Variants in PLSCR2 observed in about 807,000 individuals in gnomAD.
The protein encoded by PLSCR2 is phospholipid scramblase 2.
In PLSCR2, 18 loss-of-function variants were observed where a neutral mutation model predicts 25.3. That is an observed-to-expected ratio of 0.71 (90% confidence interval 0.49 to 1.06). The LOEUF (loss-of-function observed/expected upper bound fraction) is 1.06. Ranked by LOEUF, PLSCR2 falls within the 50% of genes least tolerant of loss-of-function variation. The pLI, the probability that PLSCR2 is intolerant of heterozygous loss-of-function variation, is 0.00. For missense variants in PLSCR2, 243 were observed against 269.5 expected (o/e 0.90, Z 0.69); for synonymous variants, 88 against 87.3 (o/e 1.01, Z -0.04).
downstream of PLSCR2, among the ~76,000 whole-genome samples, chr3:146,428,569 A>T (rs988779296): frequency 1.3e-5 from 2 of 152,184 alleles, no homozygotes; most frequent in African/African-American, 4.8e-5. Flanking sequence ...ATTGCTTATC[A>T]TTCTATAGCC....
At chr3:146,417,957 T>C (rs1199690347) in intron 2 of PLSCR2, among the ~76,000 whole-genome samples, 3 of 152,176 alleles carry the variant, frequency 2.0e-5, no homozygotes, top group Non-Finnish European at 4.4e-5. Flanking sequence ...GGGTTGCCTT[T>C]GTGCTGGAGG....
At chr3:146,412,785 A>G (rs1439570647) in intron 2 of PLSCR2, among the ~76,000 whole-genome samples, 3 of 152,146 alleles carry the variant, frequency 2.0e-5, no homozygotes, top group African/African-American at 7.2e-5. Flanking sequence ...TGGACCGCAC[A>G]GTCTAAGCTA....
At chr3:146,447,340 T>G (rs1167630200) in intron 6 of PLSCR2, among the ~76,000 whole-genome samples, 1 of 152,196 alleles carries the variant, frequency 6.6e-6, no homozygotes, top group Non-Finnish European at 1.5e-5. Context: ...TTTCCCCTAA[T>G]GCCCATGGCA....
At chr3:146,423,165 A>G (rs936187300) in intron 2 of PLSCR2, among the ~76,000 whole-genome samples, 4 of 147,792 alleles carry the variant, frequency 2.7e-5, no homozygotes, top group African/African-American at 1.0e-4. Context: ...ATGTCCTTAC[A>G]CTATTGTGGG....
At chr3:146,486,118 A>G (rs1298696950) in intron 1 of PLSCR2, among the ~76,000 whole-genome samples, 1 of 152,174 alleles carries the variant, frequency 6.6e-6, no homozygotes, top group African/African-American at 2.4e-5. Flanking sequence ...TTTGAAACCA[A>G]TGAGAACAAA....
At chr3:146,431,619 A>C (rs2039548804), downstream of PLSCR2, among the ~76,000 whole-genome samples, 1 of 152,226 alleles carries the variant, frequency 6.6e-6, no homozygotes, top group South Asian at 2.1e-4. Flanking sequence ...GAGTGGAAAG[A>C]ACAGTGAATT....
At chr3:146,443,841 T>C (rs1218930379) in intron 6 of PLSCR2, among the ~76,000 whole-genome samples, 1 of 151,986 alleles carries the variant, frequency 6.6e-6, no homozygotes, top group Non-Finnish European at 1.5e-5. Context: ...CACTTTAAGA[T>C]TCATTGTTAG....
chr3:146,480,741 G>A (rs946119742), intron 1 of PLSCR2, among the ~76,000 whole-genome samples: 40 of 152,262 alleles, frequency 2.6e-4, no homozygotes, highest in African/African-American at 9.1e-4. Context: ...TATAAGGCCA[G>A]CATCATCCTA....
intron 3 of PLSCR2, among the ~76,000 whole-genome samples, chr3:146,457,840 T>G (rs1451781045): frequency 6.6e-6 from 1 of 152,156 alleles, no homozygotes; most frequent in Non-Finnish European, 1.5e-5. Context: ...CCTTCTACAT[T>G]AGAGTTTATA....
chr3:146,484,992 C>A lies in PLSCR2; in HGVS notation c.-293+10903G>T, dbSNP rs185549332. 7.9e-5 allele frequency among the ~76,000 whole-genome samples: 12 copies of A among 151,782 alleles called. No homozygotes were observed. The East Asian group carries it at 9.7e-4, about 12-fold the overall frequency. On this transcript the variant is annotated intron_variant, in intron 1 of 8. Transcript: ENST00000336685. The stretch of plus-strand genomic sequence containing the variant: ...GCCCCAATTAAAAGACACAGACTGG[C>A]AAATTGGATAAGGAGTTGAGACCCA...
chr3:146,433,757 A>G (rs994289065), intron 8 of PLSCR2, among the ~76,000 whole-genome samples: 4 of 152,088 alleles, frequency 2.6e-5, no homozygotes, highest in African/African-American at 9.7e-5. Flanking sequence ...GGAATCTGGC[A>G]TCTGATGAAT....
chr3:146,429,227 T>C (rs1000218583), downstream of PLSCR2, among the ~76,000 whole-genome samples: 3 of 152,128 alleles, frequency 2.0e-5, no homozygotes, highest in East Asian at 3.9e-4. Context: ...GGGACCAGCA[T>C]GTCACATGGA....
intron 1 of PLSCR2, among the ~76,000 whole-genome samples, chr3:146,480,203 A>C (rs557484293): frequency 6.6e-6 from 1 of 152,314 alleles, no homozygotes; most frequent in African/African-American, 2.4e-5. Flanking sequence ...AAACACATTC[A>C]AAAGCTAGCA....
chr3:146,476,866 G>A (rs1053019478), intron 1 of PLSCR2, among the ~76,000 whole-genome samples: 3 of 152,224 alleles, frequency 2.0e-5, no homozygotes, highest in Admixed American at 1.3e-4. Flanking sequence ...CCCTGGGCCT[G>A]AGCCCCTAGG....
chr3:146,435,856 G>A (rs2039817180), intron 8 of PLSCR2, among the ~76,000 whole-genome samples: 2 of 152,200 alleles, frequency 1.3e-5, no homozygotes, highest in South Asian at 4.1e-4. Flanking sequence ...CCATGCCTAT[G>A]TCCTGAATGG....
intron 2 of PLSCR2, among the ~76,000 whole-genome samples, chr3:146,401,831 T>C (rs1226327986): frequency 1.3e-5 from 2 of 151,916 alleles, no homozygotes; most frequent in Admixed American, 6.6e-5. Flanking sequence ...ATTACTATTA[T>C]GTTTTAAGTT....
At chr3:146,488,212 A>T (rs913296766) in intron 1 of PLSCR2, among the ~76,000 whole-genome samples, 1 of 152,174 alleles carries the variant, frequency 6.6e-6, no homozygotes, top group Admixed American at 6.6e-5. Context: ...TGTAAAAACA[A>T]AAACTATAAA....
chr3:146,432,657 C>A (rs922814445), downstream of PLSCR2, among the ~76,000 whole-genome samples: 3 of 152,032 alleles, frequency 2.0e-5, no homozygotes, highest in Admixed American at 6.6e-5. Context: ...GTTCTAAATC[C>A]TTTGGTTCTT....
At chr3:146,425,831 T>C (rs1202092812) in intron 2 of PLSCR2, among the ~76,000 whole-genome samples, 2 of 152,130 alleles carry the variant, frequency 1.3e-5, no homozygotes, top group African/African-American at 2.4e-5. Flanking sequence ...AACCTATTAT[T>C]TGAAACTGGA....
Sources: allele counts gnomAD v4.1 joint callset (sites outside exome capture counted in the v4.1 genomes callset), GRCh38; gene constraint gnomAD v4.1.1; transcripts MANE v1.5; gene names NCBI Gene and HGNC (gene_info 2026-07-23, HGNC 2026-07-21).